The following GABRG1 variants were observed in gnomAD, a reference collection of about 807,000 sequenced individuals.
The protein encoded by GABRG1 is gamma-aminobutyric acid type A receptor subunit gamma1, also known as gamma-aminobutyric acid receptor subunit gamma-1.
Under a neutral mutation model 49.8 loss-of-function variants are expected in GABRG1, and 49 were observed. The observed-to-expected ratio is 0.98, with a 90% confidence interval of 0.78 to 1.25. The LOEUF (loss-of-function observed/expected upper bound fraction) is 1.25, where lower values mean the gene tolerates loss of function less well. Ranked by LOEUF, GABRG1 falls within the 50% of genes most tolerant of loss-of-function variation. GABRG1 has a pLI of 0.00. For missense variants in GABRG1, 552 were observed against 552.3 expected (o/e 1.00, Z 0.01); for synonymous variants, 232 against 185.1 (o/e 1.25, Z -2.06).
intron 8 of GABRG1, among the ~76,000 whole-genome samples, chr4:46,046,470 C>G (rs1249794582): frequency 6.6e-6 from 1 of 152,024 alleles, no homozygotes; most frequent in Non-Finnish European, 1.5e-5. Flanking sequence ...TCACATTTCA[C>G]CAATATCACA....
intron 5 of GABRG1, among the ~76,000 whole-genome samples, chr4:46,061,880 T>TA (rs1051240744): frequency 2.6e-5 from 4 of 151,672 alleles, no homozygotes; most frequent in East Asian, 1.9e-4. Context: ...TTTTATTTTT[T>TA]TTATTATTAT....
intron 3 of GABRG1, among the ~76,000 whole-genome samples, chr4:46,071,395 A>C (rs1339592714): frequency 2.0e-5 from 3 of 149,896 alleles, no homozygotes; most frequent in African/African-American, 7.3e-5. Context: ...ATAGCATAAT[A>C]AATACATAAA....
intron 1 of GABRG1, among the ~76,000 whole-genome samples, chr4:46,107,695 T>C (rs1226689610): frequency 6.6e-6 from 1 of 150,880 alleles, no homozygotes. Flanking sequence ...TCCTATCTTA[T>C]TTTAATTTAT....
intron 1 of GABRG1, among the ~76,000 whole-genome samples, chr4:46,115,249 A>G (rs1577672200): frequency 6.6e-6 from 1 of 150,698 alleles, no homozygotes; most frequent in African/African-American, 2.4e-5. Context: ...TGAAAACAAA[A>G]TTAAGCTTTC....
intron 1 of GABRG1, among the ~76,000 whole-genome samples, chr4:46,123,469 T>C (rs964294923): frequency 1.3e-5 from 2 of 152,050 alleles, no homozygotes; most frequent in Non-Finnish European, 2.9e-5. Context: ...ATCCAGAAAG[T>C]TCTTCGGTGG....
At chr4:46,083,363 T>C (rs1373901109) in intron 3 of GABRG1, among the ~76,000 whole-genome samples, 1 of 151,710 alleles carries the variant, frequency 6.6e-6, no homozygotes, top group Non-Finnish European at 1.5e-5. Context: ...ATAAGAGAGA[T>C]GTATTTAAAA....
intron 2 of GABRG1, among the ~76,000 whole-genome samples, chr4:46,088,545 G>A (rs905093062): frequency 6.6e-6 from 1 of 151,884 alleles, no homozygotes; most frequent in Non-Finnish European, 1.5e-5. Context: ...AGACACATTT[G>A]TATCTCTTAA....
intron 7 of GABRG1, among the ~76,000 whole-genome samples, chr4:46,056,533 A>T (rs957368252): frequency 2.0e-5 from 3 of 152,098 alleles, no homozygotes; most frequent in Non-Finnish European, 4.4e-5. Context: ...TTTTCTAAAC[A>T]TTGATTTTGC....
At chr4:46,061,293 A>C (rs1048009848) in intron 5 of GABRG1, among the ~76,000 whole-genome samples, 1 of 152,280 alleles carries the variant, frequency 6.6e-6, no homozygotes, top group East Asian at 1.9e-4. Context: ...TTAATATAAA[A>C]GAATGCTTTA....
intron 5 of GABRG1, among the ~76,000 whole-genome samples, chr4:46,061,490 A>G (rs936159606): frequency 6.6e-6 from 1 of 152,132 alleles, no homozygotes; most frequent in African/African-American, 2.4e-5. Context: ...GCATTAGACA[A>G]TTTGTGGGTA....
chr4:46,099,213 CTGT>C (rs1218485652), intron 1 of GABRG1, among the ~76,000 whole-genome samples: 2 of 151,616 alleles, frequency 1.3e-5, no homozygotes, highest in African/African-American at 2.4e-5. Context: ...CATCCCTGTC[CTGT>C]TGAACTCAGG....
chr4:46,055,054 T>C, intron 7 of GABRG1, among the ~76,000 whole-genome samples: 1 of 79,544 alleles, frequency 1.3e-5, no homozygotes, highest in East Asian at 3.0e-4. Context: ...AAGGACTTCA[T>C]GTCCAAAACA....
Position 46,097,185 on chromosome 4 carries a change from G to C in GABRG1, c.253+16C>G. 2 of 1,589,268 alleles carry C rather than the reference G, an allele frequency of 1.3e-6. No homozygotes were observed. The highest frequency in any genetic ancestry group is 1.7e-6 in the Non-Finnish European group (2 of 1,168,702). ...TTAATGGTCATCAAAATCCCAGAAT[G>C]GTAACTCAAGCTTACCTCCTATATC... On this transcript the variant is annotated intron_variant, in intron 2 of 8. Transcript: ENST00000295452.
chr4:46,052,509 A>G (rs1485936171), intron 7 of GABRG1, among the ~76,000 whole-genome samples: 2 of 151,870 alleles, frequency 1.3e-5, no homozygotes, highest in Non-Finnish European at 2.9e-5. Flanking sequence ...TATACCTGGG[A>G]TGTCCCCAAG....
Position 46,038,219 on chromosome 4 carries a change from A to G in GABRG1, c.*2769T>C, listed in dbSNP as rs1717608140. 6.6e-6 allele frequency: 1 copy of G among 151,606 alleles called. No individual in the cohort carries two copies. The highest frequency in any genetic ancestry group is 1.5e-5 in the Non-Finnish European group (1 of 67,694). 9.4% of individuals were successfully genotyped at this position (151,606 alleles called of 1,614,324 possible). On this transcript the variant is annotated 3_prime_UTR_variant, in exon 9 of 9. Transcript: ENST00000295452. The stretch of plus-strand genomic sequence containing the variant: ...TATGTATTTTTTACTTTTTTTTAGA[A>G]CTTACTTGGGTTTACAAAAATTAAT...
chr4:46,092,016 A>G (rs1175345543), intron 2 of GABRG1, among the ~76,000 whole-genome samples: 1 of 152,054 alleles, frequency 6.6e-6, no homozygotes, highest in Non-Finnish European at 1.5e-5. Context: ...GAGAAAATTG[A>G]GTGATATTTA....
intron 8 of GABRG1, among the ~76,000 whole-genome samples, chr4:46,042,170 A>G (rs1451087462): frequency 1.3e-5 from 2 of 151,968 alleles, no homozygotes; most frequent in Admixed American, 1.3e-4. Context: ...ATAGCAAGTA[A>G]TCACCTGCCA....
At chr4:46,056,992 T>C (rs894107569) in intron 7 of GABRG1, among the ~76,000 whole-genome samples, 1 of 152,132 alleles carries the variant, frequency 6.6e-6, no homozygotes, top group Admixed American at 6.6e-5. Flanking sequence ...AATAATCCAT[T>C]CAAATTCTTT....
chr4:46,097,305 T>C lies in GABRG1; in HGVS notation c.149A>G (p.Asn50Ser). The change falls in exon 2 of 9, where the codon AAC (asparagine) becomes AGC (serine). Residue 50 changes from asparagine to serine, a missense_variant. Asn to Ser is a conservative substitution (Grantham distance 46, BLOSUM62 1). Transcript: ENST00000295452. ...TTTTGGGGCCAAGACCCAGGTTTTG[T>C]TCACCGTTAAATCCTCATCATCTTC... is the stretch of plus-strand genomic sequence containing the variant. Reference protein sequence around the residue: ...DDEDDEDLTVNKTWVLAPKIH... With the variant: ...DDEDDEDLTVSKTWVLAPKIH... The C allele has an allele frequency of 6.2e-7, 1 of 1,610,790 alleles. No homozygotes were observed. The highest frequency in any genetic ancestry group is 8.5e-7 in the Non-Finnish European group (1 of 1,178,008).
Sources: allele counts gnomAD v4.1 joint callset (sites outside exome capture counted in the v4.1 genomes callset), GRCh38; gene constraint gnomAD v4.1.1; transcripts MANE v1.5; gene names NCBI Gene and HGNC (gene_info 2026-07-23, HGNC 2026-07-21).